Variants in KCNIP4 observed in about 807,000 individuals in gnomAD.
KCNIP4 encodes the protein Kv channel-interacting protein 4.
A neutral mutation model predicts 34.0 loss-of-function variants in KCNIP4; 12 were observed. The ratio of observed to expected loss-of-function variants is 0.35; its 90% CI spans 0.23 to 0.57. The LOEUF (loss-of-function observed/expected upper bound fraction) is 0.57. Ranked by LOEUF, KCNIP4 falls within the 20% of genes least tolerant of loss-of-function variation. KCNIP4 has a pLI of 0.83. For missense variants in KCNIP4, 238 were observed against 311.7 expected (o/e 0.76, Z 1.78); for synonymous variants, 124 against 102.2 (o/e 1.21, Z -1.29).
At chr4:21,308,711 A>AGAGT (rs112369238) in intron 1 of KCNIP4, among the ~76,000 whole-genome samples, 30,478 of 149,944 alleles carry the variant, frequency 0.2, 3,607 homozygotes, top group Middle Eastern at 0.26. Flanking sequence ...CTGCCGTGTG[A>AGAGT]GTGTGTGTGT....
At chr4:21,924,933 G>A (rs1435615643) in intron 1 of KCNIP4, among the ~76,000 whole-genome samples, 1 of 151,966 alleles carries the variant, frequency 6.6e-6, no homozygotes, top group Non-Finnish European at 1.5e-5. Flanking sequence ...AATGTCCTGA[G>A]TCCTTAAGAT....
intron 1 of KCNIP4, among the ~76,000 whole-genome samples, chr4:21,441,802 C>T (rs1727507962): frequency 6.6e-6 from 1 of 152,130 alleles, no homozygotes. Context: ...ATTATTGTAA[C>T]AATTTCTTTC....
At chr4:21,389,902 G>A (rs1348376772) in intron 1 of KCNIP4, among the ~76,000 whole-genome samples, 7 of 151,854 alleles carry the variant, frequency 4.6e-5, no homozygotes, top group African/African-American at 1.7e-4. Flanking sequence ...GATTGAACTA[G>A]TTTACAGTCC....
At chr4:21,032,921 T>G (rs1421420294) in intron 1 of KCNIP4, among the ~76,000 whole-genome samples, 1 of 152,116 alleles carries the variant, frequency 6.6e-6, no homozygotes, top group Non-Finnish European at 1.5e-5. Flanking sequence ...TCCCTACCTG[T>G]GAGGGAGAAG....
chr4:21,183,837 T>C (rs1195989904), intron 1 of KCNIP4, among the ~76,000 whole-genome samples: 2 of 152,132 alleles, frequency 1.3e-5, no homozygotes, highest in African/African-American at 2.4e-5. Flanking sequence ...ATATGGATTC[T>C]CTCTTATGTA....
chr4:20,913,246 AT>A (rs1386713842), intron 1 of KCNIP4, among the ~76,000 whole-genome samples: 83 of 152,264 alleles, frequency 5.5e-4, no homozygotes, highest in African/African-American at 1.5e-3. Context: ...TACCAAAAAA[AT>A]AAAAAATAAA....
chr4:21,446,630 TG>T (rs1188963949), intron 1 of KCNIP4, among the ~76,000 whole-genome samples: 6 of 55,846 alleles, frequency 1.1e-4, no homozygotes, highest in African/African-American at 3.7e-4. Context: ...TGTTGTGGGG[TG>T]GGGGGAGGGG....
chr4:21,086,993 T>C (rs28638354), intron 1 of KCNIP4, among the ~76,000 whole-genome samples: 2,785 of 139,820 alleles, frequency 0.02, 79 homozygotes, highest in African/African-American at 0.073. Flanking sequence ...TTCTTTCTTT[T>C]TTTTTTTTTT....
chr4:21,583,029 T>A (rs1741353200), intron 1 of KCNIP4, among the ~76,000 whole-genome samples: 1 of 151,970 alleles, frequency 6.6e-6, no homozygotes, highest in Non-Finnish European at 1.5e-5. Flanking sequence ...GCCCTAATTC[T>A]AAGTGGTAAG....
intron 1 of KCNIP4, among the ~76,000 whole-genome samples, chr4:21,771,837 T>A (rs1718815431): frequency 6.6e-6 from 1 of 152,224 alleles, no homozygotes; most frequent in Non-Finnish European, 1.5e-5. Context: ...GCTGAGATGA[T>A]GGGGTTTTCT....
chr4:21,119,797 G>A (rs1430809811), intron 1 of KCNIP4, among the ~76,000 whole-genome samples: 1 of 152,014 alleles, frequency 6.6e-6, no homozygotes, highest in African/African-American at 2.4e-5. Flanking sequence ...TTAGAAGTTA[G>A]AAACTGAGAG....
At chr4:21,720,381 G>A (rs1714723708) in intron 1 of KCNIP4, among the ~76,000 whole-genome samples, 1 of 152,040 alleles carries the variant, frequency 6.6e-6, no homozygotes, top group South Asian at 2.1e-4. Context: ...TAGATGTTAA[G>A]AAAATCCAAG....
intron 1 of KCNIP4, among the ~76,000 whole-genome samples, chr4:21,368,235 G>A (rs1247296289): frequency 1.1e-5 from 1 of 91,756 alleles, no homozygotes; most frequent in East Asian, 2.6e-4. Context: ...TTAAGAAGCT[G>A]TTACACACAC....
chr4:21,682,024 G>A (rs1750400771), intron 1 of KCNIP4, among the ~76,000 whole-genome samples: 1 of 152,006 alleles, frequency 6.6e-6, no homozygotes, highest in Non-Finnish European at 1.5e-5. Context: ...GAGTGTCTGG[G>A]ATTATAGGCA....
chr4:21,641,021 T>C (rs1746577705), intron 1 of KCNIP4, among the ~76,000 whole-genome samples: 1 of 152,330 alleles, frequency 6.6e-6, no homozygotes, highest in East Asian at 1.9e-4. Flanking sequence ...AGCCTAACCA[T>C]GGCACACCAA....
intron 1 of KCNIP4, among the ~76,000 whole-genome samples, chr4:21,915,614 G>A (rs1728585684): frequency 6.6e-6 from 1 of 152,080 alleles, no homozygotes; most frequent in African/African-American, 2.4e-5. Flanking sequence ...TTTTTGGAGA[G>A]AGGTATAAAC....
chr4:21,582,037 G>GGAATGGAATAGAATAGAATA (rs1741257866), intron 1 of KCNIP4: 1 of 115,574 alleles, frequency 8.7e-6, no homozygotes, highest in East Asian at 2.4e-4. Context: ...AGAATGGAAT[G>GGAATGGAATAGAATAGAATA]GAATGGAATG....
intron 1 of KCNIP4, among the ~76,000 whole-genome samples, chr4:21,709,011 A>G (rs1383486594): frequency 1.3e-5 from 2 of 152,166 alleles, no homozygotes; most frequent in Admixed American, 6.6e-5. Flanking sequence ...ATTTTATTAC[A>G]TATACTATTA....
intron 1 of KCNIP4, among the ~76,000 whole-genome samples, chr4:21,911,244 CT>C (rs1312763569): frequency 6.6e-6 from 1 of 152,136 alleles, no homozygotes; most frequent in African/African-American, 2.4e-5. Flanking sequence ...TAGCCAACCC[CT>C]AACATCTACT....
Sources: gnomAD v4.1 joint callset for allele counts (sites outside exome capture counted in the v4.1 genomes callset) on GRCh38, gnomAD v4.1.1 for gene constraint, MANE v1.5 for transcripts, NCBI Gene and HGNC (gene_info 2026-07-23, HGNC 2026-07-21) for gene names.